Variants in DMBT1 observed in about 807,000 individuals in gnomAD.
The protein encoded by DMBT1 is scavenger receptor cysteine-rich domain-containing protein DMBT1.
In DMBT1, 198 loss-of-function variants were observed where a neutral mutation model predicts 252.9. That is an observed-to-expected ratio of 0.78 (90% CI 0.70 to 0.88). The LOEUF (loss-of-function observed/expected upper bound fraction) is 0.88. Among genes scored for constraint, DMBT1 ranks in the 40% least tolerant of loss-of-function variants. The pLI, the probability that DMBT1 is intolerant of heterozygous loss-of-function variation, is 0.00. For synonymous variants in DMBT1, 990 were observed against 942.7 expected, an observed-to-expected ratio of 1.05 and a Z score of -0.92; for missense variants, 2,432 against 2,404.7, an observed-to-expected ratio of 1.01 and a Z score of -0.24.
intron 50 of DMBT1, 148 bp from the exon 51 acceptor site, chr10:122,632,713 G>T (rs921999262): frequency 1.3e-5 from 13 of 965,254 alleles, no homozygotes; most frequent in African/African-American, 1.1e-4. Context: ...CCTCCCCAAA[G>T]GCAAGTGAGC....
chr10:122,584,439 CTGAG>C, intron 14 of DMBT1, 88 bp downstream of exon 14: 1 of 196,558 alleles, frequency 5.1e-6, no homozygotes, highest in East Asian at 9.0e-5. Flanking sequence ...TCGTTCTTCT[CTGAG>C]TGAATACTAC....
At chr10:122,587,948 G>A (rs1282712662) in intron 16 of DMBT1, among the ~76,000 whole-genome samples, 4 of 148,344 alleles carry the variant, frequency 2.7e-5, no homozygotes, top group African/African-American at 4.9e-5. Context: ...CTCCAGCGAG[G>A]CCTATGTCCC....
In DMBT1 at chr10:122,636,464, C is replaced by T. The variant is rs527525994; in HGVS notation, c.6757+265C>T. On this transcript the variant is annotated intron_variant, in intron 53 of 55. Coordinates refer to ENST00000338354, the MANE Select transcript of DMBT1 (RefSeq NM_001377530.1). Reference sequence around the variant, plus strand: ...TAAGTAGAGGGTCCCAGATGATGCTCTTCGTGGAGAGTGATGAGTCAGTGC... The same window carrying T: ...TAAGTAGAGGGTCCCAGATGATGCTTTTCGTGGAGAGTGATGAGTCAGTGC... Among the ~76,000 whole-genome samples, 124 of 152,310 alleles carry T rather than the reference C, an allele frequency of 8.1e-4. 1 individual carries two copies. The highest frequency in any genetic ancestry group is 2.9e-3 in the African/African-American group (120 of 41,568).
chr10:122,598,576 C>T (rs1213540114), intron 25 of DMBT1, among the ~76,000 whole-genome samples, 198 bp from the exon 26 acceptor site: 1 of 152,148 alleles, frequency 6.6e-6, no homozygotes, highest in East Asian at 1.9e-4. Flanking sequence ...AAACTTGAGC[C>T]TTCATAAACC....
At chr10:122,617,837 C>G (rs2098011426) in intron 40 of DMBT1, among the ~76,000 whole-genome samples, 180 bp from the exon 41 acceptor site, 1 of 151,566 alleles carries the variant, frequency 6.6e-6, no homozygotes, top group African/African-American at 2.4e-5. Flanking sequence ...ACCCAGGCAG[C>G]ATAGTGTATC....
intron 2 of DMBT1, among the ~76,000 whole-genome samples, chr10:122,567,787 C>G (rs1426680983): frequency 2.6e-5 from 4 of 152,156 alleles, no homozygotes; most frequent in African/African-American, 9.7e-5. Context: ...CAATTAGCCC[C>G]TCCCAGGAGA....
chr10:122,631,585 A>G (rs1033833300), intron 49 of DMBT1, among the ~76,000 whole-genome samples: 5 of 152,128 alleles, frequency 3.3e-5, no homozygotes, highest in African/African-American at 1.2e-4. Flanking sequence ...ACTGGTGACA[A>G]TTGGGATGGT....
Position 122,588,990 on chromosome 10 carries a change from G to A in DMBT1, c.1830G>A (p.Arg610=), listed in dbSNP as rs760995112. 1.3e-6 allele frequency: 2 copies of A among 1,588,580 alleles called. No individual in the cohort carries two copies. The highest frequency in any genetic ancestry group is 1.7e-6 in the Non-Finnish European group (2 of 1,165,908). The change falls in exon 17 of 56, where the codon AGG becomes AGA. Residue 610 remains arginine (R), a synonymous_variant. Coordinates refer to ENST00000338354, the MANE Select transcript of DMBT1 (RefSeq NM_001377530.1). ...TGAGGCTGGTGAATGGAGGTGACAG[G>A]TGTCAGGGCCGAGTGGAGGTCCTAT... ...LALRLVNGGD[R]CQGRVEVLYR...
intron 53 of DMBT1, 98 bp from the exon 54 acceptor site, chr10:122,637,030 T>C: frequency 8.4e-7 from 1 of 1,185,402 alleles, no homozygotes. Context: ...TCAGCCACCC[T>C]GGTCTGTGCA....
chr10:122,590,545 C>T, intron 17 of DMBT1, 120 bp from the exon 18 acceptor site: 2 of 1,254,708 alleles, frequency 1.6e-6, no homozygotes, highest in Non-Finnish European at 1.2e-6. Context: ...CAATGCCCCT[C>T]CCTCTGTGAT....
In DMBT1 at chr10:122,617,262, T is replaced by G; in HGVS notation, c.4891+2T>G. The G allele has an allele frequency of 6.2e-7, 1 of 1,609,584 alleles. No individual in the cohort carries two copies. The highest frequency in any genetic ancestry group is 8.5e-7 in the Non-Finnish European group (1 of 1,178,690). ...CAACCTCTCGTGCATCAACAGCAGG[T>G]AAACAATCCTCTCACCCCTCCCTAG... On this transcript the variant is annotated splice_donor_variant, in intron 40 of 55. Transcript: ENST00000338354. LOFTEE classifies it high-confidence loss of function.
At chr10:122,587,520 A>G (rs1358457536) in intron 16 of DMBT1, among the ~76,000 whole-genome samples, 1 of 148,334 alleles carries the variant, frequency 6.7e-6, no homozygotes, top group African/African-American at 2.4e-5. Context: ...CTAGAAGATC[A>G]CAGGCTGGAT....
intron 54 of DMBT1, among the ~76,000 whole-genome samples, chr10:122,639,715 G>A (rs961790779): frequency 1.3e-5 from 2 of 152,200 alleles, no homozygotes; most frequent in East Asian, 3.8e-4. Flanking sequence ...ACGGTTTATT[G>A]TGACAACTGT....
At chr10:122,630,803 CA>C (rs1373633671) in intron 48 of DMBT1, among the ~76,000 whole-genome samples, 157 bp from the exon 49 acceptor site, 1 of 152,208 alleles carries the variant, frequency 6.6e-6, no homozygotes, top group African/African-American at 2.4e-5. Flanking sequence ...TTCAGCTCTG[CA>C]TGGAGCGGTC....
chr10:122,573,340 A>G (rs2981802), intron 5 of DMBT1, among the ~76,000 whole-genome samples: 104,219 of 151,786 alleles, frequency 0.69, 35,972 homozygotes, highest in East Asian at 0.78. Context: ...ACCTTCTCAG[A>G]AATATTTCAG....
intron 51 of DMBT1, 148 bp downstream of exon 51, chr10:122,633,038 G>A: frequency 6.7e-7 from 1 of 1,502,726 alleles, no homozygotes; most frequent in Non-Finnish European, 9.0e-7. Flanking sequence ...TCAGTGGACG[G>A]TCCAGATCTA....
intron 17 of DMBT1, among the ~76,000 whole-genome samples, chr10:122,589,496 C>T (rs2097827566): frequency 6.8e-6 from 1 of 148,036 alleles, no homozygotes; most frequent in Non-Finnish European, 1.5e-5. Flanking sequence ...CCTTTGTTCC[C>T]CTACCAAGGC....
At chr10:122,562,395 C>T (rs1201531103) in intron 1 of DMBT1, among the ~76,000 whole-genome samples, 3 of 152,152 alleles carry the variant, frequency 2.0e-5, no homozygotes, top group Admixed American at 2.0e-4. Flanking sequence ...CCCTCCCACC[C>T]AGGTGGTAGG....
At chr10:122,620,939 A>G (rs1000331081) in intron 43 of DMBT1, 118 bp from the exon 44 acceptor site, 77 of 1,535,748 alleles carry the variant, frequency 5.0e-5, no homozygotes, top group Non-Finnish European at 6.3e-5. Flanking sequence ...TTCATATTCA[A>G]AGGTGATTAC....
Sources: allele counts gnomAD v4.1 joint callset (sites outside exome capture counted in the v4.1 genomes callset), GRCh38; gene constraint gnomAD v4.1.1; transcripts MANE v1.5; gene names NCBI Gene and HGNC (gene_info 2026-07-23, HGNC 2026-07-21).